Variants in LAMA2 observed in about 807,000 individuals in gnomAD.
LAMA2 encodes laminin subunit alpha 2.
A neutral mutation model predicts 364.8 loss-of-function variants in LAMA2; 269 were observed. The observed-to-expected ratio is 0.74, with a 90% CI of 0.67 to 0.82. The LOEUF (loss-of-function observed/expected upper bound fraction) is 0.82, where lower values mean the gene tolerates loss of function less well. Among genes scored for constraint, LAMA2 ranks in the 40% least tolerant of loss-of-function variants. LAMA2 has a pLI of 0.00. For missense variants in LAMA2, 3,807 were observed against 3,873.2 expected (o/e 0.98, Z 0.45); for synonymous variants, 1,379 against 1,370.6 (o/e 1.01, Z -0.14).
intron 35 of LAMA2, among the ~76,000 whole-genome samples, chr6:129,384,758 A>G (rs964147818): frequency 3.9e-5 from 6 of 152,032 alleles, no homozygotes; most frequent in Non-Finnish European, 8.8e-5. Flanking sequence ...AGGATTACCC[A>G]TCACCAAAGG....
At chr6:129,148,461 C>T (rs1778605779) in intron 6 of LAMA2, among the ~76,000 whole-genome samples, 1 of 151,946 alleles carries the variant, frequency 6.6e-6, no homozygotes, top group South Asian at 2.1e-4. Context: ...TTTAAAAGTC[C>T]ACAAGACAGG....
intron 1 of LAMA2, among the ~76,000 whole-genome samples, chr6:129,025,925 T>C (rs1276652394): frequency 6.6e-6 from 1 of 152,170 alleles, no homozygotes; most frequent in Non-Finnish European, 1.5e-5. Flanking sequence ...ACTTAGTCCA[T>C]AGAACGTATT....
chr6:129,151,411 T>C (rs886609578), intron 7 of LAMA2, among the ~76,000 whole-genome samples: 50 of 152,190 alleles, frequency 3.3e-4, no homozygotes, highest in Non-Finnish European at 1.3e-4. Context: ...CATAGCCAGG[T>C]CCAGTGGCAT....
chr6:129,117,051 G>T (rs1358363124), intron 4 of LAMA2, among the ~76,000 whole-genome samples: 2 of 152,094 alleles, frequency 1.3e-5, no homozygotes, highest in Admixed American at 6.6e-5. Context: ...GGATGAGTTA[G>T]TTATTGCAAT....
At chr6:129,390,362 T>C (rs1779254110) in intron 35 of LAMA2, among the ~76,000 whole-genome samples, 1 of 151,928 alleles carries the variant, frequency 6.6e-6, no homozygotes, top group Non-Finnish European at 1.5e-5. Flanking sequence ...ACCCACCTTC[T>C]CACATACCCC....
At chr6:129,067,150 T>G (rs1789415316) in intron 3 of LAMA2, among the ~76,000 whole-genome samples, 1 of 152,240 alleles carries the variant, frequency 6.6e-6, no homozygotes, top group Non-Finnish European at 1.5e-5. Flanking sequence ...ATTTATTTTG[T>G]TGGTACTATT....
chr6:129,326,096 T>C (rs1321602772), intron 28 of LAMA2, among the ~76,000 whole-genome samples: 1 of 152,166 alleles, frequency 6.6e-6, no homozygotes, highest in Non-Finnish European at 1.5e-5. Context: ...CACCTCAGCC[T>C]CCCAAAATGC....
intron 1 of LAMA2, among the ~76,000 whole-genome samples, chr6:128,927,776 A>C (rs1263386522): frequency 6.6e-6 from 1 of 152,228 alleles, no homozygotes; most frequent in Non-Finnish European, 1.5e-5. Flanking sequence ...ATTAATTATT[A>C]TTAATAGAAA....
At position 128,963,434 on chromosome 6, in the gene LAMA2, G is replaced by A. The variant is rs182739680; in HGVS notation, c.112+80077G>A. Among the ~76,000 whole-genome samples, 296 of 152,170 alleles carry A rather than the reference G, an allele frequency of 1.9e-3. 1 individual carries two copies. Among genetic ancestry groups the A allele is most frequent in the African/African-American group, 6.8e-3 (282 of 41,550 alleles). On this transcript the variant is annotated intron_variant, in intron 1 of 64. Coordinates refer to ENST00000421865, the MANE Select transcript of LAMA2 (RefSeq NM_000426.4). The stretch of plus-strand genomic sequence containing the variant: ...GTAGACAGTCAACATTTCCAATCAT[G>A]GAAATGAACTAGTGTCCACATAACT...
intron 1 of LAMA2, among the ~76,000 whole-genome samples, chr6:128,888,384 G>A (rs1020280817): frequency 6.6e-6 from 1 of 152,148 alleles, no homozygotes; most frequent in Non-Finnish European, 1.5e-5. Context: ...TAGTTGGGAT[G>A]GAGATGAGCA....
chr6:129,085,259 CTT>C (rs1774307033), intron 3 of LAMA2, among the ~76,000 whole-genome samples: 1 of 152,140 alleles, frequency 6.6e-6, no homozygotes, highest in Middle Eastern at 3.2e-3. Flanking sequence ...TGTCTATAGA[CTT>C]TTCTAGTGAA....
chr6:129,210,024 A>AAAAAAAAAAAAATAT (rs200129656), intron 12 of LAMA2, among the ~76,000 whole-genome samples: 2 of 145,242 alleles, frequency 1.4e-5, no homozygotes, highest in South Asian at 4.6e-4. Flanking sequence ...AAAAAAAAAA[A>AAAAAAAAAAAAATAT]ATTTTTACTA....
chr6:129,098,148 T>TA (rs1436426344), intron 3 of LAMA2, 25 bp from the exon 4 acceptor site: 12 of 1,612,710 alleles, frequency 7.4e-6, no homozygotes, highest in Non-Finnish European at 9.3e-6. Context: ...AATTCAATGT[T>TA]ATTGTTGTTG....
At chr6:129,175,972 C>T (rs7748051) in intron 9 of LAMA2, among the ~76,000 whole-genome samples, 51,783 of 151,710 alleles carry the variant, frequency 0.34, 12,728 homozygotes, top group African/African-American at 0.71. Flanking sequence ...AATCTCTTTA[C>T]TTCCTGTGGT....
chr6:129,198,698 A>C lies in LAMA2; in HGVS notation c.1782+5845A>C, dbSNP rs115981243. ...GCAATTACTTCAAAAATAAACAAATAAGGAAGTATCAGAAAATAAACAAAT... is the reference window on the plus strand; with the variant it reads ...GCAATTACTTCAAAAATAAACAAATCAGGAAGTATCAGAAAATAAACAAAT... On this transcript the variant is annotated intron_variant, in intron 12 of 64. Coordinates refer to ENST00000421865, the MANE Select transcript of LAMA2 (RefSeq NM_000426.4). Among the ~76,000 whole-genome samples, 686 of 152,252 alleles carry C rather than the reference A, an allele frequency of 4.5e-3. 4 individuals are homozygous for C. The highest frequency in any genetic ancestry group is 0.015 in the African/African-American group (644 of 41,568).
In LAMA2 at chr6:129,250,092, A is replaced by G. The variant is rs1248894806; in HGVS notation, c.1783-20A>G. On this transcript the variant is annotated intron_variant, in intron 12 of 64. Transcript: ENST00000421865. ...GCCCATCTCCTATCCCGTAATGATT[A>G]TGCATCTTCTGTCTTGTAGCTCCCA... The G allele has an allele frequency of 2.9e-6, 4 of 1,371,548 alleles. No individual in the cohort carries two copies. Among genetic ancestry groups the G allele is most frequent in the South Asian group, 2.3e-5 (2 of 85,986 alleles). The allele number at this position is 1,371,548 out of a possible 1,614,324, so 85.0% of individuals were successfully genotyped here. A position where few individuals can be genotyped will look rare whatever the true frequency, so the allele number is the denominator to read the frequency against.
chr6:129,320,879 T>C (rs1297577635), intron 28 of LAMA2, among the ~76,000 whole-genome samples: 2 of 152,256 alleles, frequency 1.3e-5, no homozygotes, highest in Admixed American at 6.5e-5. Context: ...TGTGAAAATA[T>C]TTAACAATCA....
intron 12 of LAMA2, among the ~76,000 whole-genome samples, chr6:129,224,359 C>T (rs1784089538): frequency 6.6e-6 from 1 of 152,156 alleles, no homozygotes; most frequent in East Asian, 1.9e-4. Context: ...CCTGATTGCC[C>T]TGGCCAGAAC....
At chr6:129,165,484 TTA>T in intron 8 of LAMA2, 90 bp from the exon 9 acceptor site, 1 of 774,590 alleles carries the variant, frequency 1.3e-6, no homozygotes, top group Non-Finnish European at 2.2e-6. Flanking sequence ...CTCTGTATTA[TTA>T]AAACTACTTT....
Sources: gnomAD v4.1 joint callset for allele counts (sites outside exome capture counted in the v4.1 genomes callset) on GRCh38, gnomAD v4.1.1 for gene constraint, MANE v1.5 for transcripts, NCBI Gene and HGNC (gene_info 2026-07-23, HGNC 2026-07-21) for gene names.